BAZ1B: variants seen among roughly 807,000 people sequenced by gnomAD.
The protein encoded by BAZ1B is tyrosine-protein kinase BAZ1B.
BAZ1B carries 22 observed loss-of-function variants against 153.8 expected under a neutral mutation model. The ratio of observed to expected loss-of-function variants is 0.14; its 90% confidence interval spans 0.10 to 0.20. BAZ1B has a LOEUF of 0.20. BAZ1B is among the 10% of genes least tolerant of loss of function. The pLI is 1.00. For synonymous variants in BAZ1B, 676 were observed against 633.4 expected (o/e 1.07, Z -1.01); for missense variants, 1,325 against 1,799.3 (o/e 0.74, Z 4.77).
At chr7:73,498,270 C>G (rs1789995608) in intron 4 of BAZ1B, among the ~76,000 whole-genome samples, 1 of 152,048 alleles carries the variant, frequency 6.6e-6, no homozygotes, top group South Asian at 2.1e-4. Flanking sequence ...CTGCATAGAG[C>G]TTTCTAAGCA....
At position 73,443,838 on chromosome 7, in the gene BAZ1B, C is replaced by A. The variant is rs139177247; in HGVS notation, c.3990+146G>T. The A allele has an allele frequency of 2.4e-4, 280 of 1,178,650 alleles. No individual in the cohort carries two copies. The East Asian group carries it at 6.6e-3, about 28-fold the overall frequency. The allele number at this position is 1,178,650 out of a possible 1,614,324, so 73.0% of individuals were successfully genotyped here. ...CTGCTTCTGTCTGCGTACAGGCTCACCCATCTGCCTCCCCAGCCTCCCAAG... is the reference window on the plus strand; with the variant it reads ...CTGCTTCTGTCTGCGTACAGGCTCAACCATCTGCCTCCCCAGCCTCCCAAG... On this transcript the variant is annotated intron_variant, in intron 17 of 19. Transcript: ENST00000339594.
intron 5 of BAZ1B, among the ~76,000 whole-genome samples, chr7:73,492,296 G>A (rs986935815): frequency 3.3e-5 from 5 of 152,186 alleles, no homozygotes; most frequent in African/African-American, 2.4e-5. Flanking sequence ...CTGAGTAGCT[G>A]GGACTACATG....
intron 13 of BAZ1B, 132 bp downstream of exon 13, chr7:73,459,401 AAAC>A: frequency 7.8e-6 from 7 of 896,164 alleles, no homozygotes; most frequent in South Asian, 1.8e-5. Flanking sequence ...AAAAAAAAAA[AAAC>A]ACACACACAC....
At chr7:73,516,040 G>A (rs368830913) in intron 1 of BAZ1B, among the ~76,000 whole-genome samples, 4 of 152,138 alleles carry the variant, frequency 2.6e-5, no homozygotes, top group Non-Finnish European at 5.9e-5. Flanking sequence ...CCAGCTACTC[G>A]GGAGGCTGAG....
chr7:73,456,979 T>TAAAAAA (rs1788230189), intron 13 of BAZ1B, among the ~76,000 whole-genome samples: 2 of 83,782 alleles, frequency 2.4e-5, no homozygotes, highest in Admixed American at 2.9e-4. Context: ...AAAAAAAAAG[T>TAAAAAA]ATTGGCGAGA....
At chr7:73,491,347 C>T (rs556858023) in intron 5 of BAZ1B, among the ~76,000 whole-genome samples, 2 of 152,170 alleles carry the variant, frequency 1.3e-5, no homozygotes, top group Non-Finnish European at 2.9e-5. Context: ...GCTTGTAATC[C>T]CAGCACTTTG....
chr7:73,444,797 C>T (rs1368337233), intron 16 of BAZ1B, among the ~76,000 whole-genome samples: 125 of 151,964 alleles, frequency 8.2e-4, no homozygotes, highest in African/African-American at 2.9e-3. Context: ...GGTGGATCAC[C>T]TGAGGTCGGG....
At position 73,489,353 on chromosome 7, in the gene BAZ1B, T is replaced by G; in HGVS notation, c.732A>C (p.Thr244=). ...SNVPADSLIR[T]ERPPNKEIVR... is the part of the protein sequence containing the mutation. ...CTATCTCCTTATTTGGTGGGCGCTC[T>G]GTACGAATCAAGCTGTCTGCTGGCA... is the stretch of plus-strand genomic sequence containing the variant. The change falls in exon 6 of 20, where the codon ACA becomes ACC. Residue 244 remains threonine (T), a synonymous_variant. Transcript: ENST00000339594. The G allele has an allele frequency of 6.2e-7, 1 of 1,614,196 alleles. No individual in the cohort carries two copies. The highest frequency in any genetic ancestry group is 1.1e-5 in the South Asian group (1 of 91,086).
intron 13 of BAZ1B, among the ~76,000 whole-genome samples, chr7:73,458,660 T>G (rs1583894478): frequency 3.3e-5 from 4 of 120,886 alleles, no homozygotes; most frequent in Non-Finnish European, 3.3e-5. Flanking sequence ...TAGGCAAGAG[T>G]GGGACTCTTT....
Position 73,477,298 on chromosome 7 carries a change from A to T in BAZ1B, c.2163T>A (p.Asp721Glu). Reference sequence around the variant, plus strand: ...CTAGGAACTCATCTTGTACCTCATTATCCTCAAATGCAGCTGAATCTTTAT... The same window carrying T: ...CTAGGAACTCATCTTGTACCTCATTTTCCTCAAATGCAGCTGAATCTTTAT... Reference protein sequence around the residue: ...DDNKDSAAFEDNEVQDEFLEK... With the variant: ...DDNKDSAAFEENEVQDEFLEK... Residue 721 changes from aspartate to glutamate, a missense_variant, in exon 7 of 20, where the codon GAT becomes GAA. Transcript: ENST00000339594. The surrounding 1 kb of genome is among the most constrained non-coding windows in gnomAD (Gnocchi z 5.6). 1.2e-6 allele frequency: 2 copies of T among 1,614,220 alleles called. No individual in the cohort carries two copies. The highest frequency in any genetic ancestry group is 1.7e-6 in the Non-Finnish European group (2 of 1,180,046).
At chr7:73,444,878 G>A (rs1554566097) in intron 16 of BAZ1B, among the ~76,000 whole-genome samples, 1 of 152,148 alleles carries the variant, frequency 6.6e-6, no homozygotes, top group African/African-American at 2.4e-5. Flanking sequence ...GCAGGGCGTG[G>A]TGGCACATGC....
chr7:73,498,825 C>T (rs902309544), intron 3 of BAZ1B, 127 bp from the exon 4 acceptor site: 2 of 799,762 alleles, frequency 2.5e-6, no homozygotes, highest in African/African-American at 3.5e-5. Flanking sequence ...GTAAAGTATC[C>T]AAGTACAATG....
chr7:73,455,773 G>A (rs1436290720), intron 13 of BAZ1B, among the ~76,000 whole-genome samples: 1 of 152,068 alleles, frequency 6.6e-6, no homozygotes, highest in Non-Finnish European at 1.5e-5. Flanking sequence ...GTAGAGACCC[G>A]TTTCTAAAGA....
chr7:73,498,652 G>T lies in BAZ1B; in HGVS notation c.416C>A (p.Pro139His). 6.2e-7 allele frequency: 1 copy of T among 1,614,042 alleles called. No individual in the cohort carries two copies. Reference protein sequence around the residue: ...MLKVKIVKIHPLEKVDEEATE... With the variant: ...MLKVKIVKIHHLEKVDEEATE... The stretch of plus-strand genomic sequence containing the variant: ...GGCCTCTTCATCCACTTTCTCCAAA[G>T]GATGAATCTTCACAATCTTCACCTT... Residue 139 changes from proline (P) to histidine (H), a missense_variant, in exon 4 of 20, where the codon CCT becomes CAT. Transcript: ENST00000339594.
intron 17 of BAZ1B, 120 bp downstream of exon 17, chr7:73,443,864 T>C: frequency 2.0e-6 from 3 of 1,478,766 alleles, no homozygotes; most frequent in South Asian, 1.2e-5. Flanking sequence ...GCCTCCCAAG[T>C]TTGGTAAGAA....
Position 73,477,272 on chromosome 7 carries a change from T to C in BAZ1B, c.2189A>G (p.Glu730Gly), listed in dbSNP as rs1174488349. Reference protein sequence around the residue: ...EDNEVQDEFLEKLETSEFFEL... With the variant: ...EDNEVQDEFLGKLETSEFFEL... The stretch of plus-strand genomic sequence containing the variant: ...AAAAAATTCAGAGGTCTCCAGCTTT[T>C]CTAGGAACTCATCTTGTACCTCATT... Residue 730 changes from glutamate (E) to glycine (G), a missense_variant, in exon 7 of 20, where the codon GAA (glutamate) becomes GGA (glycine). Coordinates refer to ENST00000339594, the MANE Select transcript of BAZ1B (RefSeq NM_032408.4). The surrounding 1 kb of genome is among the most constrained non-coding windows in gnomAD (Gnocchi z 5.6). 2.5e-6 allele frequency: 4 copies of C among 1,614,230 alleles called. No individual in the cohort carries two copies. The highest frequency in any genetic ancestry group is 3.4e-6 in the Non-Finnish European group (4 of 1,180,048).
At chr7:73,455,810 A>C (rs1478891397) in intron 13 of BAZ1B, among the ~76,000 whole-genome samples, 1 of 152,140 alleles carries the variant, frequency 6.6e-6, no homozygotes, top group East Asian at 1.9e-4. Context: ...AAAAGAGCAA[A>C]TATGACATCA....
At chr7:73,457,658 C>T (rs1156301972) in intron 13 of BAZ1B, among the ~76,000 whole-genome samples, 2 of 152,066 alleles carry the variant, frequency 1.3e-5, no homozygotes, top group African/African-American at 2.4e-5. Context: ...TCAGAGGAGC[C>T]CCTTTGGATC....
Position 73,459,401 on chromosome 7 carries a change from A to C in BAZ1B, c.3432+135T>G, listed in dbSNP as rs1448045720. 6 of 896,054 alleles carry C rather than the reference A, an allele frequency of 6.7e-6. No individual in the cohort carries two copies. The African/African-American group carries it at 6.8e-5, about 10-fold the overall frequency. The allele number at this position is 896,054 out of a possible 1,614,324, so 55.5% of individuals were successfully genotyped here. On this transcript the variant is annotated intron_variant, in intron 13 of 19. Transcript: ENST00000339594. ...GGTAGAAAGTGATTAAAAAAAAAAAAAACACACACACACACAAAAACACTC... is the reference window on the plus strand; with the variant it reads ...GGTAGAAAGTGATTAAAAAAAAAAACAACACACACACACACAAAAACACTC...
Sources: gnomAD v4.1 joint callset for allele counts (sites outside exome capture counted in the v4.1 genomes callset) on GRCh38, gnomAD v4.1.1 for gene constraint, Gnocchi (gnomAD v3.1) non-coding constraint, MANE v1.5 for transcripts, NCBI Gene and HGNC (gene_info 2026-07-23, HGNC 2026-07-21) for gene names.